Variants in SNAP47 observed in about 807,000 individuals in gnomAD.
SNAP47 encodes synaptosome associated protein 47.
A neutral mutation model predicts 31.4 loss-of-function variants in SNAP47; 20 were observed. The observed-to-expected ratio is 0.64, with a 90% confidence interval of 0.45 to 0.93. The LOEUF is 0.93. Ranked by LOEUF, SNAP47 falls within the 40% of genes least tolerant of loss-of-function variation. The pLI is 0.00. For synonymous variants in SNAP47, 194 were observed against 213.4 expected, an observed-to-expected ratio of 0.91 and a Z score of 0.79; for missense variants, 492 against 528.5, an observed-to-expected ratio of 0.93 and a Z score of 0.68.
intron 1 of SNAP47, among the ~76,000 whole-genome samples, chr1:227,744,879 G>T (rs1050581090): frequency 6.6e-6 from 1 of 152,198 alleles, no homozygotes; most frequent in African/African-American, 2.4e-5. Context: ...GAGGCTGTGG[G>T]GCCACACAAC....
chr1:227,739,366 G>A (rs1028717972), intron 1 of SNAP47, among the ~76,000 whole-genome samples: 6 of 152,156 alleles, frequency 3.9e-5, no homozygotes, highest in South Asian at 2.1e-4. Flanking sequence ...AATGCAGTAC[G>A]CTTTGTGCCG....
At chr1:227,775,380 A>C (rs900728672) in intron 4 of SNAP47, among the ~76,000 whole-genome samples, 1 of 152,066 alleles carries the variant, frequency 6.6e-6, no homozygotes, top group Non-Finnish European at 1.5e-5. Flanking sequence ...ACAGTTCCTC[A>C]GTGAGTCAGC....
chr1:227,753,542 C>G (rs773314485), intron 2 of SNAP47, among the ~76,000 whole-genome samples: 6 of 152,206 alleles, frequency 3.9e-5, no homozygotes, highest in African/African-American at 1.2e-4. Flanking sequence ...AGACACAGAC[C>G]TGCCTCCCTG....
chr1:227,754,267 G>C (rs770050147), intron 2 of SNAP47, among the ~76,000 whole-genome samples: 87 of 152,216 alleles, frequency 5.7e-4, no homozygotes, highest in Non-Finnish European at 1.0e-3. Flanking sequence ...TTGACATCCA[G>C]CTGCCCTTGT....
chr1:227,766,143 G>A (rs973212147), intron 3 of SNAP47, among the ~76,000 whole-genome samples: 1 of 152,176 alleles, frequency 6.6e-6, no homozygotes, highest in Non-Finnish European at 1.5e-5. Flanking sequence ...AGGAACCTGG[G>A]AGGGATGCTG....
At chr1:227,747,547 C>A in intron 1 of SNAP47, 145 bp from the exon 2 acceptor site, 1 of 787,550 alleles carries the variant, frequency 1.3e-6, no homozygotes. Context: ...TGGGCTTCGT[C>A]ATGCAGCCAC....
upstream of SNAP47, chr1:227,733,917 CAGGCCCCGCGT>C (rs1260311005): frequency 6.2e-6 from 10 of 1,613,570 alleles, no homozygotes; most frequent in Non-Finnish European, 7.6e-6. Flanking sequence ...CAGCTGCCCG[CAGGCCCCGCGT>C]AGACAAAGCG....
intron 1 of SNAP47, among the ~76,000 whole-genome samples, chr1:227,742,074 C>G (rs551345678): frequency 2.0e-5 from 3 of 151,288 alleles, no homozygotes; most frequent in Non-Finnish European, 4.4e-5. Flanking sequence ...TACGTGTGCA[C>G]AATGTGCAGG....
At chr1:227,738,819 G>A (rs1661404574) in intron 1 of SNAP47, among the ~76,000 whole-genome samples, 1 of 152,182 alleles carries the variant, frequency 6.6e-6, no homozygotes. Context: ...GCATTGCCTG[G>A]AAGGAGTTCC....
upstream of SNAP47, chr1:227,732,893 G>T (rs1255928163): frequency 1.2e-6 from 2 of 1,612,590 alleles, no homozygotes; most frequent in Non-Finnish European, 1.7e-6. Context: ...GGCAGTGGTG[G>T]TGCCAGTCGG....
chr1:227,765,155 A>G (rs1663311476), intron 3 of SNAP47, among the ~76,000 whole-genome samples: 1 of 152,332 alleles, frequency 6.6e-6, no homozygotes, highest in Non-Finnish European at 1.5e-5. Flanking sequence ...GTCAAAGGGC[A>G]CCAGCACATA....
chr1:227,760,544 G>A (rs1662995590), intron 3 of SNAP47, among the ~76,000 whole-genome samples: 1 of 152,178 alleles, frequency 6.6e-6, no homozygotes, highest in South Asian at 2.1e-4. Flanking sequence ...CTGGGTCTTG[G>A]CACGTCCACC....
intron 1 of SNAP47, chr1:227,746,878 C>T (rs1472643256): frequency 2.6e-5 from 4 of 152,232 alleles, no homozygotes; most frequent in African/African-American, 9.7e-5. Flanking sequence ...GTCCTGCACT[C>T]GTGCCTGGAT....
At chr1:227,779,766 A>G (rs1664355310) in intron 4 of SNAP47, among the ~76,000 whole-genome samples, 1 of 152,140 alleles carries the variant, frequency 6.6e-6, no homozygotes, top group Non-Finnish European at 1.5e-5. Context: ...AGCCACAGAC[A>G]CAGCACCAGC....
upstream of SNAP47, chr1:227,733,828 C>T: frequency 6.3e-7 from 1 of 1,595,608 alleles, no homozygotes; most frequent in South Asian, 1.1e-5. Context: ...CAAGCAGCCC[C>T]CCTCCTGCCA....
intron 1 of SNAP47, among the ~76,000 whole-genome samples, chr1:227,729,674 C>T (rs1003763500): frequency 1.3e-5 from 2 of 152,160 alleles, no homozygotes; most frequent in African/African-American, 4.8e-5. Flanking sequence ...CTGGGGGAGG[C>T]ACCTTCTCCG....
chr1:227,769,822 C>T (rs895941934), intron 4 of SNAP47, among the ~76,000 whole-genome samples: 3 of 152,174 alleles, frequency 2.0e-5, no homozygotes, highest in African/African-American at 2.4e-5. Flanking sequence ...GCCATGGACG[C>T]GGTGCCTGGA....
At chr1:227,733,853 G>A (rs1660852200), upstream of SNAP47, 2 of 1,607,568 alleles carry the variant, frequency 1.2e-6, no homozygotes, top group African/African-American at 2.7e-5. Context: ...GGGCCTCCCA[G>A]TCCGTTCTGT....
chr1:227,729,611 C>T (rs1424918811), intron 1 of SNAP47, among the ~76,000 whole-genome samples: 1 of 152,130 alleles, frequency 6.6e-6, no homozygotes, highest in Non-Finnish European at 1.5e-5. Context: ...GGAGCTGCCC[C>T]TTCGGCTGGG....
Sources: gnomAD v4.1 joint callset for allele counts (sites outside exome capture counted in the v4.1 genomes callset) on GRCh38, gnomAD v4.1.1 for gene constraint, MANE v1.5 for transcripts, NCBI Gene and HGNC (gene_info 2026-07-23, HGNC 2026-07-21) for gene names.